The following MAPK14 variants were observed in gnomAD, a reference collection of about 807,000 sequenced individuals.
MAPK14 encodes CSAID-binding protein.
In MAPK14, 16 loss-of-function variants were observed where a neutral mutation model predicts 49.6. That is an observed-to-expected ratio of 0.32 (90% CI 0.22 to 0.49). MAPK14 has a LOEUF of 0.49. Among genes scored for constraint, MAPK14 ranks in the 20% least tolerant of loss-of-function variants. The probability of loss-of-function intolerance (pLI) is 0.99; values close to 1 mark genes in which losing one functional copy is unlikely to be tolerated. For missense variants in MAPK14, 200 were observed against 441.2 expected (o/e 0.45, Z 4.90); for synonymous variants, 142 against 158.0 (o/e 0.90, Z 0.76).
chr6:36,085,840 A>G (rs1296615285), intron 8 of MAPK14, among the ~76,000 whole-genome samples: 1 of 152,250 alleles, frequency 6.6e-6, no homozygotes, highest in Non-Finnish European at 1.5e-5. Flanking sequence ...TCTATACAGA[A>G]ACAACAGAAT....
At chr6:36,034,248 T>G (rs1762651518) in intron 1 of MAPK14, among the ~76,000 whole-genome samples, 1 of 152,194 alleles carries the variant, frequency 6.6e-6, no homozygotes, top group Non-Finnish European at 1.5e-5. Context: ...AAATCAAAAA[T>G]GCACTCATTG....
chr6:36,110,701 T>G lies in MAPK14; in HGVS notation c.*2254T>G, dbSNP rs1765941287. On this transcript the variant is annotated 3_prime_UTR_variant, in exon 12 of 12. Coordinates refer to ENST00000229794, the MANE Select transcript of MAPK14 (RefSeq NM_139012.3). ...TCATGAACTTGGCTGTAATCAGTTA[T>G]GCCGTATAGGATGTCAGACAATACC... is the stretch of plus-strand genomic sequence containing the variant. 6.6e-6 allele frequency: 1 copy of G among 152,350 alleles called. No individual in the cohort carries two copies. The highest frequency in any genetic ancestry group is 1.5e-5 in the Non-Finnish European group (1 of 68,048). The allele number at this position is 152,350 out of a possible 1,614,324, so 9.4% of individuals were successfully genotyped here. A position where few individuals can be genotyped will look rare whatever the true frequency, so the allele number is the denominator to read the frequency against.
intron 8 of MAPK14, among the ~76,000 whole-genome samples, chr6:36,089,885 G>A (rs1283738281): frequency 1.3e-5 from 2 of 152,238 alleles, no homozygotes; most frequent in Admixed American, 6.5e-5. Flanking sequence ...TTAAGGAAGA[G>A]AGAAAGTTTT....
At chr6:36,036,203 C>T (rs116093557) in intron 1 of MAPK14, among the ~76,000 whole-genome samples, 1,524 of 146,380 alleles carry the variant, frequency 0.01, 21 homozygotes, top group African/African-American at 0.035. Flanking sequence ...CAAGTGGCAA[C>T]CGAGATCGTG....
In MAPK14 at chr6:36,073,487, T is replaced by G. The variant is rs532004745; in HGVS notation, c.418-204T>G. ...CCAGAGTGCCAACCAGAAAATAGAT[T>G]AAAAGCTCAACTGAGTGGAGTCAAT... is the stretch of plus-strand genomic sequence containing the variant. On this transcript the variant is annotated intron_variant, in intron 4 of 11. Coordinates refer to ENST00000229794, the MANE Select transcript of MAPK14 (RefSeq NM_139012.3). Among the ~76,000 whole-genome samples, 169 of 152,300 alleles carry G rather than the reference T, an allele frequency of 1.1e-3. 1 individual carries two copies. The highest frequency in any genetic ancestry group is 3.4e-3 in the Middle Eastern group (1 of 294).
chr6:36,112,461 G>T (rs1180229334), downstream of MAPK14, among the ~76,000 whole-genome samples: 1 of 152,146 alleles, frequency 6.6e-6, no homozygotes, highest in Non-Finnish European at 1.5e-5. Flanking sequence ...AATGACAAAA[G>T]CATGTTCATA....
rs368153450 is a variant in MAPK14, at chr6:36,063,505, A to G, written c.305+4158A>G. On this transcript the variant is annotated intron_variant, in intron 3 of 11. Coordinates refer to ENST00000229794, the MANE Select transcript of MAPK14 (RefSeq NM_139012.3). ...CTGGGGAGTCTAAGGTGAGAGGATCATTTGAGCCCAGGGGCAGCGGTTATA... is the reference window on the plus strand; with the variant it reads ...CTGGGGAGTCTAAGGTGAGAGGATCGTTTGAGCCCAGGGGCAGCGGTTATA... 3.9e-5 allele frequency among the ~76,000 whole-genome samples: 6 copies of G among 152,256 alleles called. No individual in the cohort carries two copies. The East Asian group carries it at 7.7e-4, about 20-fold the overall frequency.
chr6:36,095,725 GC>G (rs1227986500), intron 8 of MAPK14, among the ~76,000 whole-genome samples: 3 of 152,154 alleles, frequency 2.0e-5, no homozygotes, highest in Non-Finnish European at 2.9e-5. Context: ...ACTGATACAT[GC>G]TGTTGACAGA....
chr6:36,087,261 A>G (rs1401957678), intron 8 of MAPK14, among the ~76,000 whole-genome samples: 1 of 152,206 alleles, frequency 6.6e-6, no homozygotes, highest in African/African-American at 2.4e-5. Flanking sequence ...CTCCTATTCA[A>G]CATAGTATTG....
rs1287181579 is a variant in MAPK14, at chr6:36,110,849, G to C, written c.*2402G>C. On this transcript the variant is annotated 3_prime_UTR_variant, in exon 12 of 12. Transcript: ENST00000229794. Reference sequence around the variant, plus strand: ...TCAATATCCTTTAAACTGTGACCTGGCATACTTGTCTGACAGATCTTAATA... The same window carrying C: ...TCAATATCCTTTAAACTGTGACCTGCCATACTTGTCTGACAGATCTTAATA... 6.6e-6 allele frequency: 1 copy of C among 152,174 alleles called. No homozygotes were observed. The highest frequency in any genetic ancestry group is 6.5e-5 in the Admixed American group (1 of 15,280). 9.4% of individuals were successfully genotyped at this position (152,174 alleles called of 1,614,324 possible).
chr6:36,070,072 C>T (rs1031162666), intron 3 of MAPK14, among the ~76,000 whole-genome samples: 1 of 152,112 alleles, frequency 6.6e-6, no homozygotes, highest in South Asian at 2.1e-4. Context: ...AATACAGTAA[C>T]TGTGATTAGG....
At chr6:36,119,199 A>C in the MAPK14 span, among the ~76,000 whole-genome samples, 19,447 of 152,174 alleles carry the variant, frequency 0.13, 1,290 homozygotes, top group African/African-American at 0.17. Context: ...AGCTAGATAG[A>C]CACTTTCCTC....
chr6:36,098,892 A>G (rs1415029220), intron 9 of MAPK14, among the ~76,000 whole-genome samples: 1 of 152,222 alleles, frequency 6.6e-6, no homozygotes, highest in African/African-American at 2.4e-5. Flanking sequence ...AAAGAATTCC[A>G]TCATCTGGTA....
chr6:36,031,403 A>C (rs1762538104), intron 1 of MAPK14, among the ~76,000 whole-genome samples: 1 of 151,958 alleles, frequency 6.6e-6, no homozygotes, highest in African/African-American at 2.4e-5. Context: ...AGCCTGTGAT[A>C]TTCTTCTTCT....
intron 8 of MAPK14, among the ~76,000 whole-genome samples, chr6:36,083,588 C>G (rs868007035): frequency 2.2e-4 from 34 of 152,306 alleles, no homozygotes; most frequent in African/African-American, 7.0e-4. Context: ...GGTGGCACAT[C>G]ATGGCCAGAC....
At position 36,110,995 on chromosome 6, in the gene MAPK14, A is replaced by C. The variant is rs1376445039; in HGVS notation, c.*2548A>C. ...AGAGCAAATGAACGAAGTATTAAGC[A>C]TTGGGGCCTGTCTTATCTACACTCG... On this transcript the variant is annotated 3_prime_UTR_variant, in exon 12 of 12. Coordinates refer to ENST00000229794, the MANE Select transcript of MAPK14 (RefSeq NM_139012.3). The C allele has an allele frequency of 6.6e-6, 1 of 152,234 alleles. No individual in the cohort carries two copies. Among genetic ancestry groups the C allele is most frequent in the Non-Finnish European group, 1.5e-5 (1 of 68,038 alleles). The allele number at this position is 152,234 out of a possible 1,614,324, so 9.4% of individuals were successfully genotyped here. A position where few individuals can be genotyped will look rare whatever the true frequency, so the allele number is the denominator to read the frequency against.
rs1762369143 is a variant in MAPK14 at position 36,027,926 on chromosome 6, C to G, written c.-232C>G. ...GCGGGCGCAGTCTTGAGCGCCGGAG[C>G]GCGTCCCTGCCCTTAGCGGGGCTTG... On this transcript the variant is annotated 5_prime_UTR_variant, in exon 1 of 12. Transcript: ENST00000229794. The G allele has an allele frequency of 2.4e-6, 1 of 415,860 alleles. No individual in the cohort carries two copies. The highest frequency in any genetic ancestry group is 3.6e-5 in the East Asian group (1 of 28,104). 25.8% of individuals were successfully genotyped at this position (415,860 alleles called of 1,614,324 possible).
intron 1 of MAPK14, among the ~76,000 whole-genome samples, chr6:36,032,528 A>G (rs780377775): frequency 2.0e-5 from 3 of 152,200 alleles, no homozygotes; most frequent in Non-Finnish European, 4.4e-5. Flanking sequence ...CCTCTGGGGT[A>G]GGGTTCTTCC....
chr6:36,114,553 G>A (rs192943786), downstream of MAPK14, among the ~76,000 whole-genome samples: 219 of 151,736 alleles, frequency 1.4e-3, 2 homozygotes, highest in Middle Eastern at 0.017. Context: ...GGGAGGCGGA[G>A]GTTGCAGTGA....
Sources: gnomAD v4.1 joint callset for allele counts (sites outside exome capture counted in the v4.1 genomes callset) on GRCh38, gnomAD v4.1.1 for gene constraint, MANE v1.5 for transcripts, NCBI Gene and HGNC (gene_info 2026-07-23, HGNC 2026-07-21) for gene names.